PAFAH1B1: variants seen among roughly 807,000 people sequenced by gnomAD.
PAFAH1B1 encodes the protein platelet activating factor acetylhydrolase 1b regulatory subunit 1.
In PAFAH1B1, 2 loss-of-function variants were observed where a neutral mutation model predicts 57.5. That is an observed-to-expected ratio of 0.03 (90% CI 0.01 to 0.11). The LOEUF (loss-of-function observed/expected upper bound fraction) is 0.11. PAFAH1B1 is among the 10% of genes least tolerant of loss of function. The pLI is 1.00. For missense variants in PAFAH1B1, 257 were observed against 512.0 expected, an observed-to-expected ratio of 0.50 and a Z score of 4.81; for synonymous variants, 152 against 169.6, an observed-to-expected ratio of 0.90 and a Z score of 0.81.
rs372839323 is a variant in PAFAH1B1 at position 2,612,763 on chromosome 17, A to G, written c.-191+18757A>G. On this transcript the variant is annotated intron_variant, in intron 1 of 10. Coordinates refer to ENST00000397195, the MANE Select transcript of PAFAH1B1 (RefSeq NM_000430.4). ...TAGCTGGGATCACAAGATGCGCACC[A>G]CTACGCCTGGCTGTTTTTGATTTTT... is the stretch of plus-strand genomic sequence containing the variant. Among the ~76,000 whole-genome samples the G allele has an allele frequency of 1.3e-4, 20 of 151,776 alleles. No individual in the cohort carries two copies. The East Asian group carries it at 2.1e-3, about 16-fold the overall frequency.
intron 2 of PAFAH1B1, among the ~76,000 whole-genome samples, chr17:2,664,643 T>C (rs1419661444): frequency 6.7e-6 from 1 of 148,916 alleles, no homozygotes; most frequent in Non-Finnish European, 1.5e-5. Flanking sequence ...GACTTTGTGA[T>C]ATATATCTAT....
At position 2,684,284 on chromosome 17, in the gene PAFAH1B1, C is replaced by CTT. The variant is rs1270944102; in HGVS notation, c.*2483_*2484insTT. 2 of 152,782 alleles carry CTT rather than the reference C, an allele frequency of 1.3e-5. No homozygotes were observed. The highest frequency in any genetic ancestry group is 4.8e-5 in the African/African-American group (2 of 41,452). The allele number at this position is 152,782 out of a possible 1,614,324, so 9.5% of individuals were successfully genotyped here. On this transcript the variant is annotated 3_prime_UTR_variant, in exon 11 of 11. Coordinates refer to ENST00000397195, the MANE Select transcript of PAFAH1B1 (RefSeq NM_000430.4). Reference sequence around the variant, plus strand: ...TTTGCAAAATTTCCTGCACTGCTGTCTGACACTGTCCTGTTGATGCCCTTT... The same window carrying CTT: ...TTTGCAAAATTTCCTGCACTGCTGTCTTTGACACTGTCCTGTTGATGCCCTTT...
intron 2 of PAFAH1B1, among the ~76,000 whole-genome samples, chr17:2,664,112 A>G (rs934466444): frequency 6.6e-6 from 1 of 152,194 alleles, no homozygotes; most frequent in Non-Finnish European, 1.5e-5. Context: ...GATTTTTGGC[A>G]TGCTCATAAT....
chr17:2,667,244 G>C, intron 5 of PAFAH1B1, 46 bp downstream of exon 5: 1 of 1,438,598 alleles, frequency 7.0e-7, no homozygotes, highest in Non-Finnish European at 9.8e-7. Context: ...TGAAGCAGGA[G>C]AATGGCATGA....
At chr17:2,626,780 C>T (rs138929447) in intron 1 of PAFAH1B1, among the ~76,000 whole-genome samples, 136 of 152,154 alleles carry the variant, frequency 8.9e-4, no homozygotes, top group African/African-American at 3.1e-3. Flanking sequence ...GTCTTGAAGT[C>T]CAGATCTTGT....
At chr17:2,624,010 G>T (rs1467326184) in intron 1 of PAFAH1B1, among the ~76,000 whole-genome samples, 1 of 152,148 alleles carries the variant, frequency 6.6e-6, no homozygotes, top group African/African-American at 2.4e-5. Flanking sequence ...TTACTGCTTA[G>T]AAATTTCTTT....
chr17:2,665,727 G>T (rs974380376), intron 3 of PAFAH1B1, among the ~76,000 whole-genome samples: 1 of 151,844 alleles, frequency 6.6e-6, no homozygotes, highest in African/African-American at 2.4e-5. Context: ...TCAGCCTTCC[G>T]AGTAGCTGGG....
intron 1 of PAFAH1B1, among the ~76,000 whole-genome samples, chr17:2,627,456 A>ATT (rs1050647741): frequency 1.3e-5 from 2 of 151,994 alleles, no homozygotes; most frequent in African/African-American, 4.8e-5. Flanking sequence ...CTATGTGCCT[A>ATT]TTTTTTACCA....
At chr17:2,620,247 G>A (rs1020443165) in intron 1 of PAFAH1B1, among the ~76,000 whole-genome samples, 5 of 152,156 alleles carry the variant, frequency 3.3e-5, no homozygotes, top group Non-Finnish European at 7.3e-5. Context: ...CTAAAGTAAG[G>A]TAATGTTGCT....
chr17:2,598,663 G>C (rs1410597858), intron 1 of PAFAH1B1, among the ~76,000 whole-genome samples: 1 of 150,028 alleles, frequency 6.7e-6, no homozygotes, highest in Non-Finnish European at 1.5e-5. Context: ...TACAATACGA[G>C]TTCTGAAAAA....
rs370675317 is a variant in PAFAH1B1 at position 2,603,347 on chromosome 17, G to A, written c.-191+9341G>A. Among the ~76,000 whole-genome samples, 667 of 152,222 alleles carry A rather than the reference G, an allele frequency of 4.4e-3. 1 individual carries two copies. The highest frequency in any genetic ancestry group is 5.9e-3 in the Non-Finnish European group (403 of 68,012). On this transcript the variant is annotated intron_variant, in intron 1 of 10. Transcript: ENST00000397195. ...GTATTTTTCAAAATACAGGCCAGGC[G>A]CGGTGGCTCACGCCTGTAATCCCAG...
intron 3 of PAFAH1B1, among the ~76,000 whole-genome samples, chr17:2,665,741 A>C (rs1333139806): frequency 6.6e-6 from 1 of 152,080 alleles, no homozygotes; most frequent in Non-Finnish European, 1.5e-5. Flanking sequence ...AGCTGGGATT[A>C]CAGGCACGCA....
rs773301579 is a variant in PAFAH1B1, at chr17:2,624,901, A to G, written c.-190-13198A>G. The stretch of plus-strand genomic sequence containing the variant: ...GACAGTTTGAGGTTAGGAACCATTG[A>G]TAATTGATGAATTACCGGATAAGTC... On this transcript the variant is annotated intron_variant, in intron 1 of 10. Transcript: ENST00000397195. 2.6e-5 allele frequency among the ~76,000 whole-genome samples: 4 copies of G among 152,318 alleles called. No homozygotes were observed. The East Asian group carries it at 7.7e-4, about 29-fold the overall frequency.
In PAFAH1B1 at chr17:2,642,242, G is replaced by A. The variant is rs2068705198; in HGVS notation, c.32+3922G>A. The A allele has an allele frequency of 1.3e-5, 2 of 152,132 alleles. 1 individual carries two copies. The highest frequency in any genetic ancestry group is 4.1e-4 in the South Asian group (2 of 4,826). 9.4% of individuals were successfully genotyped at this position (152,132 alleles called of 1,614,324 possible). ...TTCACTTCCTCAATTCTGTAATATA[G>A]GATGAGCAGCCCAAGTCCAGAAATC... On this transcript the variant is annotated intron_variant, in intron 2 of 10. Transcript: ENST00000397195.
At chr17:2,646,079 A>G (rs1448120797) in intron 2 of PAFAH1B1, among the ~76,000 whole-genome samples, 2 of 152,168 alleles carry the variant, frequency 1.3e-5, no homozygotes, top group Non-Finnish European at 2.9e-5. Context: ...AAAATGAACT[A>G]TGTGTTCAAT....
In PAFAH1B1 at chr17:2,684,849, A is replaced by AC. The variant is rs1192446836; in HGVS notation, c.*3047_*3048insC. 6.6e-6 allele frequency: 1 copy of AC among 152,584 alleles called. No individual in the cohort carries two copies. Among genetic ancestry groups the AC allele is most frequent in the African/African-American group, 2.4e-5 (1 of 41,444 alleles). The allele number at this position is 152,584 out of a possible 1,614,324, so 9.5% of individuals were successfully genotyped here. A position where few individuals can be genotyped will look rare whatever the true frequency, so the allele number is the denominator to read the frequency against. On this transcript the variant is annotated 3_prime_UTR_variant, in exon 11 of 11. Transcript: ENST00000397195. ...TACCAAGCCCCGCCTCCCCGCTGCCAGTGCCCTGCTCTCCCGTTCGCCTCT... is the reference window on the plus strand; with the variant it reads ...TACCAAGCCCCGCCTCCCCGCTGCCACGTGCCCTGCTCTCCCGTTCGCCTCT...
Position 2,606,810 on chromosome 17 carries a change from C to CTTTTTTTTTTTTTTTTTTTTTTT in PAFAH1B1, c.-191+12809_-191+12831dup, listed in dbSNP as rs770011553. 1.1e-4 allele frequency among the ~76,000 whole-genome samples: 11 copies of CTTTTTTTTTTTTTTTTTTTTTTT among 101,714 alleles called. 5 individuals are homozygous for CTTTTTTTTTTTTTTTTTTTTTTT. Among genetic ancestry groups the CTTTTTTTTTTTTTTTTTTTTTTT allele is most frequent in the South Asian group, 3.1e-4 (1 of 3,218 alleles). The allele number at this position is 101,714 out of a possible 152,430, so 66.7% of individuals were successfully genotyped here. On this transcript the variant is annotated intron_variant, in intron 1 of 10. Transcript: ENST00000397195. ...ACATTTTGTCATATTTGCCTCAGAG[C>CTTTTTTTTTTTTTTTTTTTTTTT]TTTTTTTTTTTTTTTTTTTTTTTTT...
At position 2,685,372 on chromosome 17, in the gene PAFAH1B1, G is replaced by C. The variant is rs886052733; in HGVS notation, c.*3570G>C. The C allele has an allele frequency of 6.6e-6, 1 of 152,574 alleles. No individual in the cohort carries two copies. The highest frequency in any genetic ancestry group is 1.5e-5 in the Non-Finnish European group (1 of 68,042). 9.5% of individuals were successfully genotyped at this position (152,574 alleles called of 1,614,324 possible). A position where few individuals can be genotyped will look rare whatever the true frequency, so the allele number is the denominator to read the frequency against. On this transcript the variant is annotated 3_prime_UTR_variant, in exon 11 of 11. Transcript: ENST00000397195. ...TGACACTGACATGAAGGCAAGCCTT[G>C]ATTTCGTATGAACGTTGCTGAAGTG...
At chr17:2,673,054 G>A (rs1014103614) in intron 7 of PAFAH1B1, among the ~76,000 whole-genome samples, 2 of 151,824 alleles carry the variant, frequency 1.3e-5, no homozygotes, top group Non-Finnish European at 2.9e-5. Flanking sequence ...GGCAACAAGA[G>A]TGAGACTCCG....
Sources: gnomAD v4.1 joint callset for allele counts (sites outside exome capture counted in the v4.1 genomes callset) on GRCh38, gnomAD v4.1.1 for gene constraint, MANE v1.5 for transcripts, NCBI Gene and HGNC (gene_info 2026-07-23, HGNC 2026-07-21) for gene names.